CADM2: variants seen among roughly 807,000 people sequenced by gnomAD.
The protein encoded by CADM2 is cell adhesion molecule 2.
A neutral mutation model predicts 49.8 loss-of-function variants in CADM2; 12 were observed. The observed-to-expected ratio is 0.24, with a 90% confidence interval of 0.15 to 0.39. The LOEUF is 0.39. Ranked by LOEUF, CADM2 falls within the 10% of genes least tolerant of loss-of-function variation. The pLI is 1.00. For synonymous variants in CADM2, 214 were observed against 175.4 expected, an observed-to-expected ratio of 1.22 and a Z score of -1.74; for missense variants, 378 against 492.3, an observed-to-expected ratio of 0.77 and a Z score of 2.20.
chr3:85,327,193 A>G (rs1296650418), intron 1 of CADM2, among the ~76,000 whole-genome samples: 1 of 152,104 alleles, frequency 6.6e-6, no homozygotes, highest in Non-Finnish European at 1.5e-5. Flanking sequence ...AGGGAGAATC[A>G]TTGATGTCTC....
rs559288413 is a variant in CADM2 at position 85,562,692 on chromosome 3, A to C, written c.62-163830A>C. Among the ~76,000 whole-genome samples the C allele has an allele frequency of 4.6e-5, 7 of 152,008 alleles. No homozygotes were observed. In the South Asian group the frequency reaches 1.5e-3, roughly 32 times the overall value. ...TCTCTATTCACCTTTTTCTTTGGAG[A>C]TGGGGGGAGCTAAAGGGGAAAGCAA... On this transcript the variant is annotated intron_variant, in intron 1 of 9. Coordinates refer to ENST00000383699, the MANE Select transcript of CADM2 (RefSeq NM_001167675.2).
intron 1 of CADM2, among the ~76,000 whole-genome samples, chr3:85,312,448 T>C (rs1047582858): frequency 6.6e-6 from 1 of 152,124 alleles, no homozygotes; most frequent in Non-Finnish European, 1.5e-5. Context: ...TTTCTAATTC[T>C]AGATTTTAAT....
intron 1 of CADM2, among the ~76,000 whole-genome samples, chr3:85,521,811 C>G (rs761354408): frequency 6.6e-6 from 1 of 151,586 alleles, no homozygotes; most frequent in Non-Finnish European, 1.5e-5. Flanking sequence ...CAGTGAGAAT[C>G]GAAAAGGACA....
At chr3:85,858,369 A>T (rs2075394047) in intron 3 of CADM2, among the ~76,000 whole-genome samples, 1 of 152,262 alleles carries the variant, frequency 6.6e-6, no homozygotes, top group Non-Finnish European at 1.5e-5. Context: ...AACATCCATT[A>T]TCATTCAGAC....
At chr3:85,055,568 T>C (rs1327655089) in intron 1 of CADM2, among the ~76,000 whole-genome samples, 1 of 152,112 alleles carries the variant, frequency 6.6e-6, no homozygotes, top group Non-Finnish European at 1.5e-5. Flanking sequence ...ATTTTGGTAG[T>C]ATGTCCATTA....
intron 1 of CADM2, among the ~76,000 whole-genome samples, chr3:85,036,924 G>A (rs2035237003): frequency 6.6e-6 from 1 of 151,122 alleles, no homozygotes; most frequent in Non-Finnish European, 1.5e-5. Flanking sequence ...GGCTGAGGCA[G>A]GTGGATCGCC....
intron 8 of CADM2, among the ~76,000 whole-genome samples, chr3:86,034,665 C>A (rs980034345): frequency 2.0e-5 from 3 of 152,044 alleles, no homozygotes; most frequent in African/African-American, 7.2e-5. Context: ...ACTTTTAATT[C>A]TCTAGCTTTC....
At chr3:86,005,967 A>G (rs1730739234) in intron 8 of CADM2, among the ~76,000 whole-genome samples, 1 of 152,126 alleles carries the variant, frequency 6.6e-6, no homozygotes, top group African/African-American at 2.4e-5. Context: ...GAGAACATGC[A>G]GTGTTTATCT....
At chr3:85,841,235 A>T (rs1461760746) in intron 3 of CADM2, among the ~76,000 whole-genome samples, 1 of 151,880 alleles carries the variant, frequency 6.6e-6, no homozygotes, top group African/African-American at 2.4e-5. Flanking sequence ...TTAGGTGAAT[A>T]TTTAAAAACA....
intron 2 of CADM2, among the ~76,000 whole-genome samples, chr3:85,737,032 A>G (rs918677795): frequency 6.6e-6 from 1 of 152,200 alleles, no homozygotes; most frequent in African/African-American, 2.4e-5. Context: ...TTTGTGAATT[A>G]TTTAAAACAT....
At position 85,153,775 on chromosome 3, in the gene CADM2, C is replaced by G. The variant is rs561546627; in HGVS notation, c.61+194107C>G. ...GCAGACTGCCTCCTCAAGTGGGTCC[C>G]TGACCCCTGACCCCCGAGCTGCCTA... On this transcript the variant is annotated intron_variant, in intron 1 of 9. Coordinates refer to ENST00000383699, the MANE Select transcript of CADM2 (RefSeq NM_001167675.2). Among the ~76,000 whole-genome samples the G allele has an allele frequency of 6.3e-3, 960 of 152,274 alleles. 15 individuals carry two copies. The highest frequency in any genetic ancestry group is 0.021 in the African/African-American group (892 of 41,540).
chr3:85,937,600 T>C (rs1055318678), intron 7 of CADM2, among the ~76,000 whole-genome samples: 1 of 151,902 alleles, frequency 6.6e-6, no homozygotes, highest in Non-Finnish European at 1.5e-5. Flanking sequence ...CTAGCTAAAG[T>C]TACTTTTGAA....
At chr3:85,310,555 A>G (rs557209600) in intron 1 of CADM2, among the ~76,000 whole-genome samples, 2 of 152,254 alleles carry the variant, frequency 1.3e-5, no homozygotes, top group East Asian at 3.9e-4. Context: ...AAGAGTCACT[A>G]TTTCATTACT....
chr3:85,553,332 A>G (rs2061865003), intron 1 of CADM2, among the ~76,000 whole-genome samples: 1 of 152,002 alleles, frequency 6.6e-6, no homozygotes, highest in Non-Finnish European at 1.5e-5. Context: ...AGAAGATACT[A>G]TTCTTAATTG....
chr3:85,804,947 T>A (rs1002904237), intron 3 of CADM2, among the ~76,000 whole-genome samples: 8 of 152,140 alleles, frequency 5.3e-5, no homozygotes, highest in African/African-American at 1.9e-4. Context: ...TGCACTTTTT[T>A]TTTGGTTTTG....
At chr3:85,694,524 G>A (rs1001273208) in intron 1 of CADM2, among the ~76,000 whole-genome samples, 2 of 152,010 alleles carry the variant, frequency 1.3e-5, no homozygotes, top group Non-Finnish European at 2.9e-5. Flanking sequence ...CCCAGTGTGT[G>A]GTATTTTGCT....
chr3:85,347,838 C>T (rs1358966296), intron 1 of CADM2, among the ~76,000 whole-genome samples: 2 of 149,116 alleles, frequency 1.3e-5, no homozygotes, highest in South Asian at 2.1e-4. Flanking sequence ...GATGGAGTCT[C>T]GCTCTGTCGC....
chr3:85,027,710 G>C (rs2107314268), intron 1 of CADM2, among the ~76,000 whole-genome samples: 1 of 152,134 alleles, frequency 6.6e-6, no homozygotes, highest in African/African-American at 2.4e-5. Context: ...ATTGTAAAAA[G>C]AGCTTTACAT....
intron 1 of CADM2, among the ~76,000 whole-genome samples, chr3:85,483,071 G>C (rs2039277212): frequency 2.0e-5 from 3 of 151,186 alleles, no homozygotes. Flanking sequence ...ACATAACTTG[G>C]CCAAAATATT....
Sources: gnomAD v4.1 joint callset for allele counts (sites outside exome capture counted in the v4.1 genomes callset) on GRCh38, gnomAD v4.1.1 for gene constraint, MANE v1.5 for transcripts, NCBI Gene and HGNC (gene_info 2026-07-23, HGNC 2026-07-21) for gene names.